CDKAL1: variants seen among roughly 807,000 people sequenced by gnomAD.
CDKAL1 encodes threonylcarbamoyladenosine tRNA methylthiotransferase.
CDKAL1 carries 32 observed loss-of-function variants against 68.2 expected under a neutral mutation model. The observed-to-expected ratio is 0.47, with a 90% CI of 0.35 to 0.63. The LOEUF (loss-of-function observed/expected upper bound fraction) is 0.63. Ranked by LOEUF, CDKAL1 falls within the 30% of genes least tolerant of loss-of-function variation. The probability of loss-of-function intolerance (pLI) is 0.00; values close to 1 mark genes in which losing one functional copy is unlikely to be tolerated. For synonymous variants in CDKAL1, 234 were observed against 244.3 expected (o/e 0.96, Z 0.39); for missense variants, 606 against 696.7 (o/e 0.87, Z 1.47).
intron 9 of CDKAL1, among the ~76,000 whole-genome samples, chr6:20,884,292 A>AAAAC (rs139241102): frequency 3.3e-5 from 5 of 151,908 alleles, no homozygotes; most frequent in African/African-American, 7.3e-5. Flanking sequence ...GTTGATGGAA[A>AAAAC]AAACAAACAA....
chr6:20,619,750 C>A (rs1022852192), intron 4 of CDKAL1, among the ~76,000 whole-genome samples: 13 of 152,190 alleles, frequency 8.5e-5, no homozygotes, highest in Non-Finnish European at 1.3e-4. Context: ...CTGGTTAGGT[C>A]TTCCAGAGCC....
chr6:20,966,043 CAT>C (rs1342360565), intron 10 of CDKAL1, among the ~76,000 whole-genome samples: 1 of 152,198 alleles, frequency 6.6e-6, no homozygotes, highest in East Asian at 1.9e-4. Context: ...ATGAAATCCT[CAT>C]ATTTTACATC....
intron 8 of CDKAL1, among the ~76,000 whole-genome samples, chr6:20,816,290 C>T (rs1423035435): frequency 6.6e-6 from 1 of 152,168 alleles, no homozygotes; most frequent in African/African-American, 2.4e-5. Context: ...TACTAGTCAA[C>T]CCAATACAGC....
chr6:20,958,839 GTTCACTTCTTA>G (rs1764910448), intron 10 of CDKAL1, among the ~76,000 whole-genome samples: 1 of 151,854 alleles, frequency 6.6e-6, no homozygotes, highest in Non-Finnish European at 1.5e-5. Context: ...TCTTCATTCT[GTTCACTTCTTA>G]TTCACCTGAC....
At chr6:20,660,103 T>C (rs1477866120) in intron 5 of CDKAL1, among the ~76,000 whole-genome samples, 2 of 152,186 alleles carry the variant, frequency 1.3e-5, no homozygotes, top group Non-Finnish European at 2.9e-5. Context: ...ATGTCAGAGA[T>C]AACACCTGTG....
chr6:20,708,838 T>A (rs1002795634), intron 5 of CDKAL1, among the ~76,000 whole-genome samples: 1 of 152,200 alleles, frequency 6.6e-6, no homozygotes, highest in Non-Finnish European at 1.5e-5. Flanking sequence ...TTTTTCTTCT[T>A]GTCCTTATGT....
chr6:21,040,490 G>T (rs930348920), intron 11 of CDKAL1, among the ~76,000 whole-genome samples: 1 of 151,048 alleles, frequency 6.6e-6, no homozygotes, highest in Admixed American at 6.6e-5. Context: ...ATCAGAAAGG[G>T]GTAAATAATA....
chr6:20,954,704 G>A (rs1764692430), intron 9 of CDKAL1, among the ~76,000 whole-genome samples: 2 of 152,060 alleles, frequency 1.3e-5, no homozygotes, highest in South Asian at 4.1e-4. Context: ...CATTATCATT[G>A]CAGGGTATGA....
chr6:20,628,198 T>C (rs1767516091), intron 4 of CDKAL1, among the ~76,000 whole-genome samples: 2 of 152,150 alleles, frequency 1.3e-5, no homozygotes, highest in Admixed American at 1.3e-4. Flanking sequence ...GAATTTGTCT[T>C]TCAATGAGTA....
intron 13 of CDKAL1, among the ~76,000 whole-genome samples, chr6:21,184,823 A>ATTTTTT (rs34599800): frequency 5.9e-5 from 6 of 101,628 alleles, no homozygotes; most frequent in African/African-American, 1.2e-4. Flanking sequence ...CGTGCAGCTA[A>ATTTTTT]TTTTTTTTTT....
intron 10 of CDKAL1, among the ~76,000 whole-genome samples, chr6:20,972,582 T>C (rs1765649276): frequency 6.6e-6 from 1 of 152,210 alleles, no homozygotes; most frequent in South Asian, 2.1e-4. Flanking sequence ...TAGCCCACGT[T>C]CCTAAGGGAA....
At position 20,739,634 on chromosome 6, in the gene CDKAL1, C is replaced by T; in HGVS notation, c.468+19C>T. ...CATTGGGGTAAGCTTGTACCTGATG[C>T]AAAAAGAGAAAATCTTACATTGTTA... On this transcript the variant is annotated intron_variant, in intron 6 of 15. Coordinates refer to ENST00000274695, the MANE Select transcript of CDKAL1 (RefSeq NM_017774.3). 7.0e-7 allele frequency: 1 copy of T among 1,423,594 alleles called. No homozygotes were observed. The allele number at this position is 1,423,594 out of a possible 1,614,324, so 88.2% of individuals were successfully genotyped here. A position where few individuals can be genotyped will look rare whatever the true frequency, so the allele number is the denominator to read the frequency against.
At chr6:20,871,586 A>T (rs1435047532) in intron 9 of CDKAL1, among the ~76,000 whole-genome samples, 1 of 152,142 alleles carries the variant, frequency 6.6e-6, no homozygotes, top group Non-Finnish European at 1.5e-5. Flanking sequence ...AACGACAAAA[A>T]TTAATAAAAG....
intron 9 of CDKAL1, among the ~76,000 whole-genome samples, chr6:20,921,369 C>T (rs1400742098): frequency 6.6e-6 from 1 of 152,146 alleles, no homozygotes; most frequent in Non-Finnish European, 1.5e-5. Flanking sequence ...ACAGAGGTTG[C>T]AGTGAGCCAA....
chr6:20,723,982 G>A (rs1772515760), intron 5 of CDKAL1, among the ~76,000 whole-genome samples: 1 of 152,188 alleles, frequency 6.6e-6, no homozygotes, highest in African/African-American at 2.4e-5. Flanking sequence ...GCTCAGGCTG[G>A]AGTGCAGTGG....
chr6:20,665,790 G>T (rs944397870), intron 5 of CDKAL1, among the ~76,000 whole-genome samples: 1 of 151,936 alleles, frequency 6.6e-6, no homozygotes, highest in African/African-American at 2.4e-5. Flanking sequence ...AATGGAGATA[G>T]GTTCTAAGGA....
intron 4 of CDKAL1, among the ~76,000 whole-genome samples, chr6:20,615,968 A>T (rs1449242748): frequency 4.0e-5 from 6 of 150,224 alleles, no homozygotes; most frequent in Non-Finnish European, 7.4e-5. Context: ...TAAGGTGTAA[A>T]GAAGGGATCC....
intron 12 of CDKAL1, among the ~76,000 whole-genome samples, chr6:21,067,412 G>A (rs1237980541): frequency 6.6e-6 from 1 of 152,150 alleles, no homozygotes; most frequent in African/African-American, 2.4e-5. Flanking sequence ...TTGCCAGGCA[G>A]TGTTCTACAG....
At chr6:20,867,073 A>G (rs528644620) in intron 9 of CDKAL1, among the ~76,000 whole-genome samples, 2 of 152,310 alleles carry the variant, frequency 1.3e-5, no homozygotes, top group South Asian at 2.1e-4. Flanking sequence ...GAGAGAAGCA[A>G]TTTGAATTTC....
Sources: allele counts gnomAD v4.1 joint callset (sites outside exome capture counted in the v4.1 genomes callset), GRCh38; gene constraint gnomAD v4.1.1; transcripts MANE v1.5; gene names NCBI Gene and HGNC (gene_info 2026-07-23, HGNC 2026-07-21).